Variants in C10orf88 observed in about 807,000 individuals in gnomAD.
The protein encoded by C10orf88 is ATPase PAAT.
In C10orf88, 29 loss-of-function variants were observed where a neutral mutation model predicts 34.2. The observed-to-expected ratio is 0.85, with a 90% CI of 0.63 to 1.16. The LOEUF (loss-of-function observed/expected upper bound fraction) is 1.16, where lower values mean the gene tolerates loss of function less well. Among genes scored for constraint, C10orf88 ranks in the 50% most tolerant of loss-of-function variants. C10orf88 has a pLI of 0.00. For synonymous variants in C10orf88, 194 were observed against 197.4 expected, an observed-to-expected ratio of 0.98 and a Z score of 0.15; for missense variants, 507 against 533.2, an observed-to-expected ratio of 0.95 and a Z score of 0.48.
At position 122,938,056 on chromosome 10, in the gene C10orf88, T is replaced by C; in HGVS notation, c.752A>G (p.Lys251Arg). Residue 251 changes from lysine (K) to arginine (R), a missense_variant, in exon 5 of 6, where the codon AAG becomes AGG. Lys to Arg is a conservative substitution (Grantham distance 26). Transcript: ENST00000481909. ...QSSSTLGTLNKSSSTPFPFRT... is the reference protein window; with the variant it reads ...QSSSTLGTLNRSSSTPFPFRT... ...AAAAGGAAAAGGTGTGGAGGACGAC[T>C]TGTTTAAGGTTCCTAAGGTAGATGA... 6.2e-7 allele frequency: 1 copy of C among 1,613,356 alleles called. No homozygotes were observed. The highest frequency in any genetic ancestry group is 8.5e-7 in the Non-Finnish European group (1 of 1,179,446).
chr10:122,940,679 G>A (rs1018822638), intron 4 of C10orf88, among the ~76,000 whole-genome samples: 3 of 152,040 alleles, frequency 2.0e-5, no homozygotes, highest in Non-Finnish European at 2.9e-5. Flanking sequence ...TATAGGAAAT[G>A]AAGAAATCTC....
chr10:122,937,764 T>G lies in C10orf88; in HGVS notation c.1044A>C (p.Gly348=). The G allele has an allele frequency of 6.2e-7, 1 of 1,612,972 alleles. No individual in the cohort carries two copies. Among genetic ancestry groups the G allele is most frequent in the African/African-American group, 1.3e-5 (1 of 74,966 alleles). Residue 348 remains glycine (G), a synonymous_variant, in exon 5 of 6, where the codon GGA becomes GGC. Transcript: ENST00000481909. ...TGTTTTCCTGACACTCGGTCTTATT[T>G]CCCACATGGAGATGATTAACTTGAC... ...LCSQVNHLHV[G]NKTECQENIT...
intron 5 of C10orf88, among the ~76,000 whole-genome samples, chr10:122,932,983 A>G (rs1033510155): frequency 6.6e-6 from 1 of 152,178 alleles, no homozygotes; most frequent in Non-Finnish European, 1.5e-5. Flanking sequence ...ATTTTCTTCT[A>G]AAGTCAACAT....
chr10:122,938,776 G>C (rs1186917353), intron 4 of C10orf88, among the ~76,000 whole-genome samples: 3 of 152,004 alleles, frequency 2.0e-5, no homozygotes, highest in East Asian at 1.9e-4. Context: ...CCAGGATAAT[G>C]AGAGTTGTTT....
intron 4 of C10orf88, among the ~76,000 whole-genome samples, chr10:122,944,601 G>A (rs1335597262): frequency 6.6e-6 from 1 of 151,968 alleles, no homozygotes; most frequent in Non-Finnish European, 1.5e-5. Flanking sequence ...TTAAAACACT[G>A]ATTCCTGGAC....
intron 1 of C10orf88, 76 bp from the exon 2 acceptor site, chr10:122,953,108 G>T: frequency 8.1e-7 from 1 of 1,236,280 alleles, no homozygotes; most frequent in Non-Finnish European, 1.2e-6. Flanking sequence ...GACGGAGTCT[G>T]GCTCTGTCGC....
chr10:122,937,675 G>A (rs373306715), intron 5 of C10orf88, 30 bp downstream of exon 5: 29 of 1,511,040 alleles, frequency 1.9e-5, no homozygotes, highest in Middle Eastern at 1.8e-4. Flanking sequence ...CTACCAAATC[G>A]AAACTCGTAT....
At chr10:122,945,203 C>G (rs560467653) in intron 4 of C10orf88, among the ~76,000 whole-genome samples, 3 of 152,004 alleles carry the variant, frequency 2.0e-5, no homozygotes, top group Admixed American at 1.3e-4. Context: ...AATTCCAGTC[C>G]CCAAGTGGTA....
In C10orf88 at chr10:122,942,578, C is replaced by A. The variant is rs1399537467; in HGVS notation, c.649-4419G>T. ...GTATTCAATTAGGAAAAGAGGAAGT[C>A]AAATTGTCCCTGTTTGCAGATGACA... On this transcript the variant is annotated intron_variant, in intron 4 of 5. Transcript: ENST00000481909. Among the ~76,000 whole-genome samples the A allele has an allele frequency of 2.7e-5, 4 of 150,204 alleles. No homozygotes were observed. In the East Asian group the frequency reaches 7.8e-4, roughly 29 times the overall value.
At chr10:122,953,473 T>G (rs1848713115) in intron 1 of C10orf88, among the ~76,000 whole-genome samples, 1 of 152,142 alleles carries the variant, frequency 6.6e-6, no homozygotes, top group South Asian at 2.1e-4. Flanking sequence ...CATACGGAAA[T>G]GAAGGTGTCA....
At chr10:122,938,694 T>C (rs1027214040) in intron 4 of C10orf88, among the ~76,000 whole-genome samples, 3 of 152,060 alleles carry the variant, frequency 2.0e-5, no homozygotes, top group Non-Finnish European at 2.9e-5. Context: ...AGTTAGATGC[T>C]CTATGGGTAC....
rs1473899101 is a variant in C10orf88, at chr10:122,931,738, T to A, written c.*689A>T. On this transcript the variant is annotated 3_prime_UTR_variant, in exon 6 of 6. Coordinates refer to ENST00000481909, the MANE Select transcript of C10orf88 (RefSeq NM_024942.4). ...CAAAAGGAGAGGTTTTCTTAAACTG[T>A]CTGGGGTTACTGAGGTCAAACAAGA... 2 of 152,184 alleles carry A rather than the reference T, an allele frequency of 1.3e-5. No individual in the cohort carries two copies. The highest frequency in any genetic ancestry group is 4.8e-5 in the African/African-American group (2 of 41,444). The allele number at this position is 152,184 out of a possible 1,614,324, so 9.4% of individuals were successfully genotyped here.
chr10:122,949,020 T>G (rs760032848), intron 3 of C10orf88, among the ~76,000 whole-genome samples, 165 bp from the exon 4 acceptor site: 1 of 152,202 alleles, frequency 6.6e-6, no homozygotes, highest in Admixed American at 6.5e-5. Flanking sequence ...CAGGAAAAAT[T>G]CCAATTTATC....
intron 1 of C10orf88, among the ~76,000 whole-genome samples, chr10:122,953,253 AT>A (rs1462967777): frequency 3.3e-5 from 5 of 151,616 alleles, no homozygotes; most frequent in African/African-American, 1.2e-4. Context: ...AATTTTTTGT[AT>A]TTTTCGTAGA....
Position 122,931,334 on chromosome 10 carries a change from TAGGGC to T in C10orf88, c.*1088_*1092del, listed in dbSNP as rs1848483378. On this transcript the variant is annotated 3_prime_UTR_variant, in exon 6 of 6. Coordinates refer to ENST00000481909, the MANE Select transcript of C10orf88 (RefSeq NM_024942.4). ...CCTGTTTCTTAAAGATAAGCAGAGTTAGGGCAGGGTAAAAATTCAGCTATGTCACG... is the reference window on the plus strand; with the variant it reads ...CCTGTTTCTTAAAGATAAGCAGAGTTAGGGTAAAAATTCAGCTATGTCACG... The T allele has an allele frequency of 6.6e-6, 1 of 152,154 alleles. No homozygotes were observed. Among genetic ancestry groups the T allele is most frequent in the Non-Finnish European group, 1.5e-5 (1 of 68,026 alleles). 9.4% of individuals were successfully genotyped at this position (152,154 alleles called of 1,614,324 possible). A position where few individuals can be genotyped will look rare whatever the true frequency, so the allele number is the denominator to read the frequency against.
rs765823325 is a variant in C10orf88 at position 122,952,822 on chromosome 10, C to T, written c.368+7G>A. 6.2e-7 allele frequency: 1 copy of T among 1,613,902 alleles called. No individual in the cohort carries two copies. The highest frequency in any genetic ancestry group is 1.1e-5 in the South Asian group (1 of 91,044). On this transcript the variant is annotated splice_region_variant and intron_variant, in intron 2 of 5. Coordinates refer to ENST00000481909, the MANE Select transcript of C10orf88 (RefSeq NM_024942.4). ...GAAGAACACTTTCCCGTGTACAAGT[C>T]ACACACCTGTCATCCAGGACAGTAC...
intron 5 of C10orf88, among the ~76,000 whole-genome samples, chr10:122,936,492 G>A (rs1162480784): frequency 6.6e-6 from 1 of 151,666 alleles, no homozygotes; most frequent in Admixed American, 6.6e-5. Context: ...TTTAAGATCA[G>A]TTTGCTTGGC....
Position 122,954,064 on chromosome 10 carries a change from CGAGACCGGCCCGGGTGAGGA to C in C10orf88, c.95_114del (p.Leu32ArgfsTer4). On this transcript the variant is annotated frameshift_variant, in exon 1 of 6. Transcript: ENST00000481909. LOFTEE classifies it high-confidence loss of function. ...TCCTCCCAGTCGAAGTCACCGGGGC[CGAGACCGGCCCGGGTGAGGA>C]GGAGGCTGTGGGTCAGGGCCCCGCC... The C allele has an allele frequency of 1.3e-6, 2 of 1,549,606 alleles. No homozygotes were observed. Among genetic ancestry groups the C allele is most frequent in the Non-Finnish European group, 1.7e-6 (2 of 1,150,754 alleles).
Position 122,932,470 on chromosome 10 carries a change from C to T in C10orf88, c.1295G>A (p.Arg432Lys). 6.2e-7 allele frequency: 1 copy of T among 1,613,974 alleles called. No homozygotes were observed. Among genetic ancestry groups the T allele is most frequent in the Non-Finnish European group, 8.5e-7 (1 of 1,179,950 alleles). The stretch of plus-strand genomic sequence containing the variant: ...AAGTCTTTCTCCAGAGTCATAATGT[C>T]TTAGAGGTATCCCAGTGGGCGGGGA... ...PNSPPTGIPL[R>K]HYDSGERLSN... is the part of the protein sequence containing the mutation. The change falls in exon 6 of 6, where the codon AGA becomes AAA. Residue 432 changes from arginine to lysine, a missense_variant. Arg to Lys is a conservative substitution (Grantham distance 26). Transcript: ENST00000481909.
Sources: gnomAD v4.1 joint callset for allele counts (sites outside exome capture counted in the v4.1 genomes callset) on GRCh38, gnomAD v4.1.1 for gene constraint, MANE v1.5 for transcripts, NCBI Gene and HGNC (gene_info 2026-07-23, HGNC 2026-07-21) for gene names.